Variants in TSHZ2 observed in about 807,000 individuals in gnomAD.
The protein encoded by TSHZ2 is teashirt zinc finger homeobox 2.
In TSHZ2, 21 loss-of-function variants were observed where a neutral mutation model predicts 74.4. The observed-to-expected ratio is 0.28, with a 90% confidence interval of 0.20 to 0.41. TSHZ2 has a LOEUF of 0.41. TSHZ2 is among the 10% of genes least tolerant of loss of function. The pLI is 1.00. For missense variants in TSHZ2, 1,244 were observed against 1,293.5 expected (o/e 0.96, Z 0.59); for synonymous variants, 540 against 515.3 (o/e 1.05, Z -0.65).
intron 2 of TSHZ2, among the ~76,000 whole-genome samples, chr20:53,442,127 T>C (rs952009240): frequency 6.6e-6 from 1 of 152,204 alleles, no homozygotes; most frequent in Non-Finnish European, 1.5e-5. Flanking sequence ...ATTTAGATTT[T>C]ATTTTGTATT....
chr20:53,251,596 C>T (rs765909927), intron 1 of TSHZ2, among the ~76,000 whole-genome samples: 8 of 152,054 alleles, frequency 5.3e-5, no homozygotes, highest in South Asian at 2.1e-4. Context: ...AGACCAGTAA[C>T]GCCAATTTAA....
chr20:53,059,125 A>G (rs1291230331), intron 1 of TSHZ2, among the ~76,000 whole-genome samples: 1 of 139,636 alleles, frequency 7.2e-6, no homozygotes, highest in African/African-American at 2.7e-5. Flanking sequence ...AAATGAGTCC[A>G]TGGATAACTC....
chr20:53,468,689 A>AC (rs1555872140), intron 2 of TSHZ2, among the ~76,000 whole-genome samples: 1 of 52,200 alleles, frequency 1.9e-5, no homozygotes, highest in Non-Finnish European at 3.8e-5. Flanking sequence ...ATTACGAGAC[A>AC]AAAAAAAAAA....
At chr20:53,134,644 C>T (rs1222886361) in intron 1 of TSHZ2, among the ~76,000 whole-genome samples, 2 of 152,206 alleles carry the variant, frequency 1.3e-5, no homozygotes, top group African/African-American at 4.8e-5. Context: ...AGCATGGACA[C>T]TCTTAACAAT....
chr20:53,298,319 C>T (rs966182756), intron 2 of TSHZ2, among the ~76,000 whole-genome samples: 1 of 152,182 alleles, frequency 6.6e-6, no homozygotes, highest in Non-Finnish European at 1.5e-5. Flanking sequence ...TAATTTCTAA[C>T]GCAGTGTGAA....
intron 2 of TSHZ2, among the ~76,000 whole-genome samples, chr20:53,285,438 C>T (rs1404346834): frequency 1.3e-5 from 2 of 152,100 alleles, no homozygotes; most frequent in Admixed American, 6.6e-5. Flanking sequence ...GGGCCAGGTG[C>T]GGTGGCTCAC....
intron 1 of TSHZ2, among the ~76,000 whole-genome samples, chr20:53,001,867 C>A (rs73134659): frequency 6.6e-6 from 1 of 152,288 alleles, no homozygotes; most frequent in African/African-American, 2.4e-5. Context: ...TTGTCTAGAA[C>A]GGAGTTCCTG....
rs139425125 is a variant in TSHZ2, at chr20:53,469,634, G to A, written c.*9-17510G>A. ...ATAGATAGAGAGGGAGGAAGGGAGGGAGGAAGGAAGGAAGGAAGGAAGGAA... is the reference window on the plus strand; with the variant it reads ...ATAGATAGAGAGGGAGGAAGGGAGGAAGGAAGGAAGGAAGGAAGGAAGGAA... On this transcript the variant is annotated intron_variant, in intron 2 of 2. Transcript: ENST00000371497. Among the ~76,000 whole-genome samples, 43 of 35,492 alleles carry A rather than the reference G, an allele frequency of 1.2e-3. 2 individuals are homozygous for A. The highest frequency in any genetic ancestry group is 5.6e-3 in the East Asian group (5 of 900). 23.3% of individuals were successfully genotyped at this position (35,492 alleles called of 152,430 possible). A position where few individuals can be genotyped will look rare whatever the true frequency, so the allele number is the denominator to read the frequency against.
chr20:53,314,269 C>T (rs1978906636), intron 2 of TSHZ2, among the ~76,000 whole-genome samples: 1 of 141,452 alleles, frequency 7.1e-6, no homozygotes, highest in Non-Finnish European at 1.5e-5. Flanking sequence ...GCCTGGGCAA[C>T]AGAGCAAGAC....
intron 1 of TSHZ2, among the ~76,000 whole-genome samples, chr20:53,124,556 T>G (rs1364314262): frequency 6.6e-6 from 1 of 152,244 alleles, no homozygotes; most frequent in African/African-American, 2.4e-5. Flanking sequence ...AATTGCCAAC[T>G]TGGCTTTACG....
At chr20:53,258,902 G>A (rs572436795) in intron 2 of TSHZ2, among the ~76,000 whole-genome samples, 6 of 152,258 alleles carry the variant, frequency 3.9e-5, no homozygotes, top group African/African-American at 7.2e-5. Flanking sequence ...AGCCATGGGC[G>A]TGTATGTATG....
chr20:53,194,165 C>T (rs979752727), intron 1 of TSHZ2, among the ~76,000 whole-genome samples: 1 of 152,150 alleles, frequency 6.6e-6, no homozygotes, highest in Admixed American at 6.5e-5. Flanking sequence ...ACCAGTTCCC[C>T]GAACTCTTCT....
intron 1 of TSHZ2, among the ~76,000 whole-genome samples, chr20:52,976,193 T>C (rs1032183529): frequency 9.2e-5 from 14 of 152,262 alleles, no homozygotes; most frequent in Non-Finnish European, 1.5e-4. Flanking sequence ...TTGTAAGTGA[T>C]GAGGAATTTT....
At chr20:53,203,993 G>A (rs1284509202) in intron 1 of TSHZ2, among the ~76,000 whole-genome samples, 2 of 150,668 alleles carry the variant, frequency 1.3e-5, no homozygotes, top group Non-Finnish European at 3.0e-5. Flanking sequence ...AAAAACCGTA[G>A]TGCACAATAT....
At chr20:53,400,801 C>T (rs1982630176) in intron 2 of TSHZ2, among the ~76,000 whole-genome samples, 1 of 152,236 alleles carries the variant, frequency 6.6e-6, no homozygotes, top group South Asian at 2.1e-4. Flanking sequence ...ACTTGGGCAT[C>T]GGGAAGTCCA....
intron 1 of TSHZ2, among the ~76,000 whole-genome samples, chr20:53,163,685 C>T (rs969441473): frequency 1.3e-5 from 2 of 151,948 alleles, no homozygotes; most frequent in African/African-American, 4.8e-5. Context: ...ACTAGGCAGT[C>T]CACAAGCCTG....
At chr20:52,989,455 G>A (rs752346971) in intron 1 of TSHZ2, among the ~76,000 whole-genome samples, 12 of 152,096 alleles carry the variant, frequency 7.9e-5, no homozygotes, top group Non-Finnish European at 1.3e-4. Context: ...AATAAAATGA[G>A]CTTATTTCAC....
intron 2 of TSHZ2, among the ~76,000 whole-genome samples, chr20:53,295,529 T>G (rs1281256631): frequency 1.3e-5 from 2 of 152,190 alleles, no homozygotes; most frequent in Non-Finnish European, 2.9e-5. Context: ...TGTATTCACA[T>G]GATATTTGTA....
chr20:53,122,418 C>T (rs1936972), intron 1 of TSHZ2, among the ~76,000 whole-genome samples: 9,711 of 151,830 alleles, frequency 0.064, 671 homozygotes, highest in East Asian at 0.3. Flanking sequence ...GACAAAAAAA[C>T]GAAAGATCTA....
Sources: allele counts gnomAD v4.1 joint callset (sites outside exome capture counted in the v4.1 genomes callset), GRCh38; gene constraint gnomAD v4.1.1; transcripts MANE v1.5; gene names NCBI Gene and HGNC (gene_info 2026-07-23, HGNC 2026-07-21).